The following ARMC8 variants were observed in gnomAD, a reference collection of about 807,000 sequenced individuals.
ARMC8 encodes the protein armadillo repeat-containing protein 8.
Under a neutral mutation model 99.3 loss-of-function variants are expected in ARMC8, and 20 were observed. The ratio of observed to expected loss-of-function variants is 0.20; its 90% CI spans 0.14 to 0.29. ARMC8 has a LOEUF of 0.29. Ranked by LOEUF, ARMC8 falls within the 10% of genes least tolerant of loss-of-function variation. The pLI is 1.00. For missense variants in ARMC8, 569 were observed against 809.5 expected (o/e 0.70, Z 3.60); for synonymous variants, 263 against 278.3 (o/e 0.95, Z 0.55).
intron 19 of ARMC8, among the ~76,000 whole-genome samples, chr3:138,286,263 A>T (rs776901108): frequency 3.9e-5 from 6 of 152,070 alleles, no homozygotes; most frequent in Admixed American, 6.6e-5. Flanking sequence ...GACTTCTTAA[A>T]AGCATCTTTT....
chr3:138,192,996 T>A (rs1446797527), intron 1 of ARMC8, among the ~76,000 whole-genome samples: 1 of 152,190 alleles, frequency 6.6e-6, no homozygotes, highest in Non-Finnish European at 1.5e-5. Context: ...TGATATGTGT[T>A]TCGCTCTTGT....
At chr3:138,294,934 T>A (rs2051329393) in intron 21 of ARMC8, among the ~76,000 whole-genome samples, 2 of 151,736 alleles carry the variant, frequency 1.3e-5, no homozygotes, top group Admixed American at 6.6e-5. Flanking sequence ...GTTTCACTCT[T>A]GTCGCACAGG....
chr3:138,255,094 C>T (rs1361151520), intron 12 of ARMC8, among the ~76,000 whole-genome samples: 2 of 151,616 alleles, frequency 1.3e-5, no homozygotes, highest in Admixed American at 6.6e-5. Flanking sequence ...AGAGGCCCTA[C>T]AGACCATCTC....
chr3:138,222,101 C>A, intron 3 of ARMC8, 104 bp downstream of exon 3: 1 of 791,462 alleles, frequency 1.3e-6, no homozygotes, highest in Non-Finnish European at 2.0e-6. Context: ...CTGTCTAATT[C>A]TTAAAATAAA....
At chr3:138,200,129 A>G (rs1448813487) in intron 1 of ARMC8, among the ~76,000 whole-genome samples, 1 of 152,204 alleles carries the variant, frequency 6.6e-6, no homozygotes, top group African/African-American at 2.4e-5. Flanking sequence ...CTCACATGTA[A>G]CTTTTAAAAA....
intron 12 of ARMC8, among the ~76,000 whole-genome samples, chr3:138,253,094 CTA>C (rs2108221001): frequency 6.6e-6 from 1 of 152,008 alleles, no homozygotes; most frequent in South Asian, 2.1e-4. Context: ...AGATTTTTCA[CTA>C]TGCTTGAGAG....
At chr3:138,217,400 C>G (rs192975441) in intron 2 of ARMC8, among the ~76,000 whole-genome samples, 1 of 147,384 alleles carries the variant, frequency 6.8e-6, no homozygotes, top group East Asian at 2.0e-4. Flanking sequence ...AGGTCTAGAT[C>G]CTTTTTTTTT....
intron 11 of ARMC8, among the ~76,000 whole-genome samples, chr3:138,242,790 T>C (rs2046688443): frequency 6.6e-6 from 1 of 152,204 alleles, no homozygotes; most frequent in Non-Finnish European, 1.5e-5. Flanking sequence ...AAAAACCTCA[T>C]TTGGTAGGCA....
chr3:138,265,893 A>G (rs1346567151), intron 14 of ARMC8, among the ~76,000 whole-genome samples: 1 of 152,198 alleles, frequency 6.6e-6, no homozygotes, highest in Non-Finnish European at 1.5e-5. Flanking sequence ...GGAATAAAGC[A>G]GTAGGAGTGG....
chr3:138,209,440 G>C (rs887494056), intron 1 of ARMC8, among the ~76,000 whole-genome samples: 1 of 152,036 alleles, frequency 6.6e-6, no homozygotes, highest in African/African-American at 2.4e-5. Flanking sequence ...ATATCTTCCT[G>C]ATGATTCTTC....
chr3:138,247,412 A>G (rs2046931093), intron 12 of ARMC8, among the ~76,000 whole-genome samples: 1 of 152,184 alleles, frequency 6.6e-6, no homozygotes, highest in African/African-American at 2.4e-5. Flanking sequence ...AGAAATTTAA[A>G]GGACTGTAGA....
intron 1 of ARMC8, among the ~76,000 whole-genome samples, chr3:138,192,905 C>G (rs1051298471): frequency 3.2e-4 from 49 of 152,138 alleles, no homozygotes; most frequent in African/African-American, 1.2e-3. Context: ...CTTTTGCCCA[C>G]TTTCTAATTG....
intron 18 of ARMC8, among the ~76,000 whole-genome samples, chr3:138,282,498 T>C (rs983521712): frequency 6.6e-6 from 1 of 151,916 alleles, no homozygotes; most frequent in African/African-American, 2.4e-5. Flanking sequence ...ATACAAAAAT[T>C]AGCTGGGCGT....
chr3:138,200,314 T>A (rs1420346619), intron 1 of ARMC8, among the ~76,000 whole-genome samples: 1 of 137,284 alleles, frequency 7.3e-6, no homozygotes, highest in African/African-American at 3.6e-5. Flanking sequence ...GACTGATATA[T>A]GTTGTAATGT....
intron 1 of ARMC8, among the ~76,000 whole-genome samples, chr3:138,201,605 G>A (rs2044085856): frequency 6.6e-6 from 1 of 151,452 alleles, no homozygotes; most frequent in African/African-American, 2.4e-5. Context: ...AGCATTACAG[G>A]CACACGCCAC....
At chr3:138,229,892 T>C (rs1194769010) in intron 6 of ARMC8, among the ~76,000 whole-genome samples, 1 of 152,186 alleles carries the variant, frequency 6.6e-6, no homozygotes, top group Admixed American at 6.5e-5. Context: ...AGTAAGGAGC[T>C]TTGGGAACTA....
At chr3:138,192,883 T>C (rs2043473340) in intron 1 of ARMC8, among the ~76,000 whole-genome samples, 1 of 152,134 alleles carries the variant, frequency 6.6e-6, no homozygotes, top group South Asian at 2.1e-4. Flanking sequence ...TGGTGAAATA[T>C]TTCTTCATGT....
At chr3:138,270,522 T>C (rs759837913) in intron 16 of ARMC8, among the ~76,000 whole-genome samples, 42 of 152,188 alleles carry the variant, frequency 2.8e-4, no homozygotes, top group Non-Finnish European at 4.4e-4. Context: ...TACCATACTT[T>C]ATAGATGAAG....
intron 2 of ARMC8, among the ~76,000 whole-genome samples, chr3:138,212,125 CAG>C (rs1236435765): frequency 6.6e-6 from 1 of 151,896 alleles, no homozygotes; most frequent in Non-Finnish European, 1.5e-5. Flanking sequence ...TTCTTTATCT[CAG>C]AGTAATACTG....
Sources: gnomAD v4.1 joint callset for allele counts (sites outside exome capture counted in the v4.1 genomes callset) on GRCh38, gnomAD v4.1.1 for gene constraint, MANE v1.5 for transcripts, NCBI Gene and HGNC (gene_info 2026-07-23, HGNC 2026-07-21) for gene names.